Variants in SMURF2 observed in about 807,000 individuals in gnomAD.
The protein encoded by SMURF2 is E3 ubiquitin-protein ligase SMURF2.
SMURF2 carries 48 observed loss-of-function variants against 109.6 expected under a neutral mutation model. The observed-to-expected ratio is 0.44, with a 90% confidence interval of 0.35 to 0.56. The LOEUF (loss-of-function observed/expected upper bound fraction) is 0.56, where lower values mean the gene tolerates loss of function less well. Among genes scored for constraint, SMURF2 ranks in the 20% least tolerant of loss-of-function variants. The pLI, the probability that SMURF2 is intolerant of heterozygous loss-of-function variation, is 0.01. For missense variants in SMURF2, 575 were observed against 909.0 expected (o/e 0.63, Z 4.72); for synonymous variants, 288 against 317.1 (o/e 0.91, Z 0.97).
At chr17:64,652,592 A>T (rs1970654787) in intron 1 of SMURF2, among the ~76,000 whole-genome samples, 1 of 152,208 alleles carries the variant, frequency 6.6e-6, no homozygotes, top group Admixed American at 6.5e-5. Context: ...GGTTCAAGTG[A>T]TTCTCTTGCC....
intron 3 of SMURF2, 111 bp downstream of exon 3, chr17:64,598,271 G>A: frequency 1.1e-6 from 1 of 942,160 alleles, no homozygotes; most frequent in Non-Finnish European, 1.5e-6. Flanking sequence ...CTTTTGTGAT[G>A]ACCAAATTAT....
chr17:64,659,208 C>T (rs552986566), intron 1 of SMURF2, among the ~76,000 whole-genome samples: 1 of 152,100 alleles, frequency 6.6e-6, no homozygotes, highest in African/African-American at 2.4e-5. Context: ...ATGTTTATAC[C>T]TTTCAGCAAA....
Position 64,551,679 on chromosome 17 carries a change from G to A in SMURF2, c.1774C>T (p.Arg592Ter). The change falls in exon 16 of 19, where the codon CGA (arginine) becomes TGA (stop). Residue 592 changes from arginine to a stop codon, truncating the protein, a stop_gained. Coordinates refer to ENST00000262435, the MANE Select transcript of SMURF2 (RefSeq NM_022739.4). LOFTEE classifies it high-confidence loss of function. ...VRLYVNWRFLRGIEAQFLALQ... is the reference protein window; with the variant it reads ...VRLYVNWRFL The stretch of plus-strand genomic sequence containing the variant: ...GCCAAGAATTGAGCCTCAATGCCTC[G>A]TAAAAATCTCCAGTTCACATAGAGC... The A allele has an allele frequency of 6.2e-7, 1 of 1,613,938 alleles. No individual in the cohort carries two copies. The highest frequency in any genetic ancestry group is 8.5e-7 in the Non-Finnish European group (1 of 1,179,936).
intron 1 of SMURF2, among the ~76,000 whole-genome samples, chr17:64,633,488 G>T (rs1555691816): frequency 6.6e-6 from 1 of 151,788 alleles, no homozygotes; most frequent in African/African-American, 2.4e-5. Context: ...TTATTAGCTG[G>T]GTAAAAATAA....
rs529300638 is a variant in SMURF2 at position 64,659,813 on chromosome 17, T to C, written c.52+2016A>G. 2.6e-5 allele frequency among the ~76,000 whole-genome samples: 4 copies of C among 152,316 alleles called. No homozygotes were observed. The South Asian group carries it at 8.3e-4, about 32-fold the overall frequency. On this transcript the variant is annotated intron_variant, in intron 1 of 18. Coordinates refer to ENST00000262435, the MANE Select transcript of SMURF2 (RefSeq NM_022739.4). ...GGAAGAAAAAATATGTTAACTTTCC[T>C]GGCAAAACAGAAGAGACTCCACTGT...
chr17:64,650,334 T>C (rs556296998), intron 1 of SMURF2, among the ~76,000 whole-genome samples: 1 of 148,104 alleles, frequency 6.8e-6, no homozygotes, highest in South Asian at 2.1e-4. Flanking sequence ...ATCACACGGG[T>C]TTTTTGTTTT....
At chr17:64,646,725 C>T (rs1555693000) in intron 1 of SMURF2, among the ~76,000 whole-genome samples, 1 of 152,150 alleles carries the variant, frequency 6.6e-6, no homozygotes. Context: ...TTGATCAAGT[C>T]CTTCAATTTT....
intron 1 of SMURF2, among the ~76,000 whole-genome samples, chr17:64,637,129 A>AT (rs546886359): frequency 0.12 from 16,735 of 143,818 alleles, 1,747 homozygotes; most frequent in African/African-American, 0.29. Flanking sequence ...TATCTAAGAG[A>AT]TTTTTTTTTT....
Position 64,550,279 on chromosome 17 carries a change from A to C in SMURF2, c.1869+1305T>G, listed in dbSNP as rs536700323. ...ATTGAATAAAATCATGTTTCAAATT[A>C]TTAGTAGACTTCAAATATTTGTGTT... On this transcript the variant is annotated intron_variant, in intron 16 of 18. Coordinates refer to ENST00000262435, the MANE Select transcript of SMURF2 (RefSeq NM_022739.4). 1.3e-5 allele frequency among the ~76,000 whole-genome samples: 2 copies of C among 152,348 alleles called. 1 individual carries two copies. The highest frequency in any genetic ancestry group is 4.1e-4 in the South Asian group (2 of 4,826).
intron 4 of SMURF2, among the ~76,000 whole-genome samples, chr17:64,592,627 A>T (rs1555687781): frequency 6.6e-6 from 1 of 152,210 alleles, no homozygotes; most frequent in Non-Finnish European, 1.5e-5. Flanking sequence ...ATCTGGGCTA[A>T]AATCCCATGA....
chr17:64,640,544 A>G (rs1485451054), intron 1 of SMURF2, among the ~76,000 whole-genome samples: 1 of 152,224 alleles, frequency 6.6e-6, no homozygotes, highest in Non-Finnish European at 1.5e-5. Flanking sequence ...GGTTAAAGCA[A>G]GGAAGTAAAA....
chr17:64,623,998 A>C (rs1352417618), intron 1 of SMURF2, among the ~76,000 whole-genome samples: 1 of 152,216 alleles, frequency 6.6e-6, no homozygotes, highest in Non-Finnish European at 1.5e-5. Flanking sequence ...AAATAAGCTA[A>C]AATTATAATG....
chr17:64,657,345 T>A (rs1239232379), intron 1 of SMURF2, among the ~76,000 whole-genome samples: 31 of 152,248 alleles, frequency 2.0e-4, no homozygotes, highest in Admixed American at 2.0e-3. Flanking sequence ...CTACTAAGTA[T>A]GGTCTATTTG....
In SMURF2 at chr17:64,626,918, T is replaced by C. The variant is rs146143870; in HGVS notation, c.53-20278A>G. 2.1e-3 allele frequency among the ~76,000 whole-genome samples: 305 copies of C among 148,606 alleles called. 5 individuals carry two copies. The highest frequency in any genetic ancestry group is 7.3e-3 in the African/African-American group (289 of 39,752). On this transcript the variant is annotated intron_variant, in intron 1 of 18. Transcript: ENST00000262435. The stretch of plus-strand genomic sequence containing the variant: ...ACATTAAACTATCACATGAAGGACA[T>C]GCACGTATTCCCCTAAAAAAAAAAA...
intron 1 of SMURF2, among the ~76,000 whole-genome samples, chr17:64,621,291 C>A (rs1365351805): frequency 6.6e-6 from 1 of 152,188 alleles, no homozygotes; most frequent in Non-Finnish European, 1.5e-5. Flanking sequence ...CTATAAAAAG[C>A]ACTGTAGGCT....
At chr17:64,546,733 G>A (rs569524996) in intron 17 of SMURF2, among the ~76,000 whole-genome samples, 5 of 152,168 alleles carry the variant, frequency 3.3e-5, no homozygotes, top group Non-Finnish European at 7.3e-5. Context: ...ACTCAAACTG[G>A]GCTGACAGCA....
At chr17:64,592,162 T>C (rs2144654494) in intron 4 of SMURF2, among the ~76,000 whole-genome samples, 1 of 152,338 alleles carries the variant, frequency 6.6e-6, no homozygotes. Context: ...GCCTTTGCCC[T>C]TCCTTCTCAG....
chr17:64,573,282 A>G (rs1969442122), intron 9 of SMURF2, among the ~76,000 whole-genome samples: 2 of 127,520 alleles, frequency 1.6e-5, no homozygotes, highest in Admixed American at 8.0e-5. Flanking sequence ...GAGGGGGAGG[A>G]GGAGGAGGAG....
chr17:64,638,002 T>C (rs1030566176), intron 1 of SMURF2, among the ~76,000 whole-genome samples: 30 of 150,370 alleles, frequency 2.0e-4, no homozygotes, highest in African/African-American at 7.3e-4. Context: ...TCCATTGATC[T>C]ATATCTCAAT....
Sources: allele counts gnomAD v4.1 joint callset (sites outside exome capture counted in the v4.1 genomes callset), GRCh38; gene constraint gnomAD v4.1.1; transcripts MANE v1.5; gene names NCBI Gene and HGNC (gene_info 2026-07-23, HGNC 2026-07-21).